Variants in FAM184B observed in about 807,000 individuals in gnomAD.
The protein encoded by FAM184B is protein FAM184B.
FAM184B carries 111 observed loss-of-function variants against 135.9 expected under a neutral mutation model. That is an observed-to-expected ratio of 0.82 (90% CI 0.70 to 0.96). The LOEUF is 0.96. Ranked by LOEUF, FAM184B falls within the 40% of genes least tolerant of loss-of-function variation. FAM184B has a pLI of 0.00. For synonymous variants in FAM184B, 552 were observed against 524.8 expected, an observed-to-expected ratio of 1.05 and a Z score of -0.71; for missense variants, 1,375 against 1,323.9, an observed-to-expected ratio of 1.04 and a Z score of -0.60.
At chr4:17,758,304 C>T (rs1560194565) in intron 1 of FAM184B, among the ~76,000 whole-genome samples, 1 of 152,188 alleles carries the variant, frequency 6.6e-6, no homozygotes, top group Non-Finnish European at 1.5e-5. Context: ...AGCAGCAATG[C>T]TTCATGATAA....
intron 1 of FAM184B, among the ~76,000 whole-genome samples, chr4:17,740,728 T>C (rs1041314516): frequency 6.6e-6 from 1 of 152,218 alleles, no homozygotes; most frequent in Non-Finnish European, 1.5e-5. Context: ...TTATCTAATA[T>C]TTATAAAAGC....
intron 1 of FAM184B, among the ~76,000 whole-genome samples, chr4:17,742,409 G>C (rs1718066619): frequency 6.6e-6 from 1 of 152,030 alleles, no homozygotes; most frequent in African/African-American, 2.4e-5. Flanking sequence ...ACTCCAACCT[G>C]AGTGACAGAG....
At chr4:17,767,146 C>T (rs993105328) in intron 1 of FAM184B, among the ~76,000 whole-genome samples, 6 of 152,162 alleles carry the variant, frequency 3.9e-5, no homozygotes, top group African/African-American at 7.2e-5. Context: ...CGCGCTGGCC[C>T]GCGAGGGCTG....
At chr4:17,724,154 T>C (rs1017843846) in intron 1 of FAM184B, among the ~76,000 whole-genome samples, 4 of 151,780 alleles carry the variant, frequency 2.6e-5, no homozygotes, top group Non-Finnish European at 5.9e-5. Context: ...CACTCTTACA[T>C]ACACATGCAT....
intron 1 of FAM184B, among the ~76,000 whole-genome samples, chr4:17,728,943 G>A: frequency 6.6e-6 from 1 of 152,144 alleles, no homozygotes; most frequent in East Asian, 1.9e-4. Context: ...CTGAAGCAGG[G>A]CGAGGCATTG....
rs1219008636 is a variant in FAM184B at position 17,630,828 on chromosome 4, T to A, written c.*1704A>T. On this transcript the variant is annotated 3_prime_UTR_variant, in exon 18 of 18. Transcript: ENST00000265018. ...ATTGAGGTTAATGTGAACTGAACTTTCTATTTCTAAGCTGTCTTCATCTAA... is the reference window on the plus strand; with the variant it reads ...ATTGAGGTTAATGTGAACTGAACTTACTATTTCTAAGCTGTCTTCATCTAA... 1 of 152,118 alleles carries A rather than the reference T, an allele frequency of 6.6e-6. No homozygotes were observed. Among genetic ancestry groups the A allele is most frequent in the Non-Finnish European group, 1.5e-5 (1 of 68,008 alleles). The allele number at this position is 152,118 out of a possible 1,614,324, so 9.4% of individuals were successfully genotyped here. A position where few individuals can be genotyped will look rare whatever the true frequency, so the allele number is the denominator to read the frequency against.
Position 17,709,372 on chromosome 4 carries a change from T to A in FAM184B, c.414A>T (p.Ala138=). 1 of 1,540,574 alleles carries A rather than the reference T, an allele frequency of 6.5e-7. No homozygotes were observed. Among genetic ancestry groups the A allele is most frequent in the African/African-American group, 1.4e-5 (1 of 72,942 alleles). ...ETKERELRVE[A]EHAERVLTLS... ...GCGTGAGGACTCGCTCGGCGTGCTC[T>A]GCCTCCACCCTCAGCTCTCTCTCCT... Residue 138 remains alanine, a synonymous_variant, in exon 2 of 18, where the codon GCA becomes GCT. Coordinates refer to ENST00000265018, the MANE Select transcript of FAM184B (RefSeq NM_015688.2).
chr4:17,664,679 A>AT lies in FAM184B; in HGVS notation c.1597-21_1597-20insA. ...TGGATCCTAAGGCCAAAAAAGAAAA[A>AT]GAAAAAAAAAAAAAAGGCAAGATGA... On this transcript the variant is annotated intron_variant, in intron 7 of 17. Transcript: ENST00000265018. The AT allele has an allele frequency of 1.0e-4, 154 of 1,476,214 alleles. No individual in the cohort carries two copies. Among genetic ancestry groups the AT allele is most frequent in the Non-Finnish European group, 1.2e-4 (134 of 1,101,308 alleles). The allele number at this position is 1,476,214 out of a possible 1,614,324, so 91.4% of individuals were successfully genotyped here.
chr4:17,693,361 T>G lies in FAM184B; in HGVS notation c.1429A>C (p.Lys477Gln). ...EVRKKSEKEI[K>Q]QLEEEKAALN... ...GCTGCTTTCTCTTCTTCCAGCTGCT[T>G]TATCTCCTTTTCTGATTTCTTCCTC... Residue 477 changes from lysine to glutamine, a missense_variant, in exon 6 of 18, where the codon AAG (lysine) becomes CAG (glutamine). By Grantham distance (53) the Lys-to-Gln change is moderately conservative. Transcript: ENST00000265018. 6.4e-7 allele frequency: 1 copy of G among 1,551,696 alleles called. No individual in the cohort carries two copies. Among genetic ancestry groups the G allele is most frequent in the Non-Finnish European group, 8.7e-7 (1 of 1,146,982 alleles).
intron 1 of FAM184B, among the ~76,000 whole-genome samples, chr4:17,764,023 T>G (rs891864068): frequency 1.3e-5 from 2 of 152,206 alleles, no homozygotes; most frequent in African/African-American, 4.8e-5. Context: ...ACCTACATGT[T>G]TTTTACTCTG....
chr4:17,777,973 T>A (rs1718963439), intron 1 of FAM184B, among the ~76,000 whole-genome samples: 1 of 151,964 alleles, frequency 6.6e-6, no homozygotes, highest in African/African-American at 2.4e-5. Flanking sequence ...TGGTGGCTCA[T>A]GCTTGTAGTC....
chr4:17,733,199 A>C (rs1442811628), intron 1 of FAM184B, among the ~76,000 whole-genome samples: 1 of 152,126 alleles, frequency 6.6e-6, no homozygotes, highest in Non-Finnish European at 1.5e-5. Context: ...AAATAATAAG[A>C]GCTATCTATG....
Position 17,633,496 on chromosome 4 carries a change from C to T in FAM184B, c.3089+193G>A, listed in dbSNP as rs949975538. Reference sequence around the variant, plus strand: ...AAGACTGTAATTTGAATTCAGACCTCCAGGCCAGATGGAGTCCACCTTTTG... The same window carrying T: ...AAGACTGTAATTTGAATTCAGACCTTCAGGCCAGATGGAGTCCACCTTTTG... On this transcript the variant is annotated intron_variant, in intron 17 of 17. Coordinates refer to ENST00000265018, the MANE Select transcript of FAM184B (RefSeq NM_015688.2). 2.8e-5 allele frequency: 14 copies of T among 507,490 alleles called. No homozygotes were observed. The African/African-American group carries it at 2.8e-4, about 10-fold the overall frequency. The allele number at this position is 507,490 out of a possible 1,614,324, so 31.4% of individuals were successfully genotyped here.
At chr4:17,663,951 C>T (rs1237304226) in intron 8 of FAM184B, among the ~76,000 whole-genome samples, 2 of 151,802 alleles carry the variant, frequency 1.3e-5, no homozygotes, top group African/African-American at 2.4e-5. Flanking sequence ...TGCCTGCTTC[C>T]CCTTCTGGCA....
At chr4:17,736,793 A>G (rs977131229) in intron 1 of FAM184B, among the ~76,000 whole-genome samples, 2 of 152,188 alleles carry the variant, frequency 1.3e-5, no homozygotes, top group Non-Finnish European at 1.5e-5. Flanking sequence ...TGGGAAATGA[A>G]GTCTCTAGCT....
At chr4:17,664,912 A>T (rs997952116) in intron 7 of FAM184B, among the ~76,000 whole-genome samples, 1 of 152,162 alleles carries the variant, frequency 6.6e-6, no homozygotes, top group Non-Finnish European at 1.5e-5. Flanking sequence ...GAAGCATTTC[A>T]CACTGCTGAC....
intron 1 of FAM184B, among the ~76,000 whole-genome samples, chr4:17,715,763 A>G (rs954063415): frequency 5.3e-5 from 8 of 151,758 alleles, no homozygotes; most frequent in Non-Finnish European, 1.0e-4. Flanking sequence ...AATGTATACA[A>G]TTTTTACTTG....
intron 1 of FAM184B, among the ~76,000 whole-genome samples, chr4:17,777,946 T>A (rs931967764): frequency 7.9e-5 from 12 of 151,914 alleles, no homozygotes; most frequent in African/African-American, 2.9e-4. Context: ...AAAAATTTTT[T>A]AAAAATTAGC....
chr4:17,731,375 A>C (rs1168765256), intron 1 of FAM184B, among the ~76,000 whole-genome samples: 1 of 152,268 alleles, frequency 6.6e-6, no homozygotes, highest in Non-Finnish European at 1.5e-5. Flanking sequence ...TAAAAGGCAC[A>C]GACTGGCAAA....
Sources: gnomAD v4.1 joint callset for allele counts (sites outside exome capture counted in the v4.1 genomes callset) on GRCh38, gnomAD v4.1.1 for gene constraint, MANE v1.5 for transcripts, NCBI Gene and HGNC (gene_info 2026-07-23, HGNC 2026-07-21) for gene names.